RAD18: variants seen among roughly 807,000 people sequenced by gnomAD.
RAD18 encodes the protein RAD18 E3 ubiquitin protein ligase, also known as E3 ubiquitin-protein ligase RAD18.
Under a neutral mutation model 60.4 loss-of-function variants are expected in RAD18, and 47 were observed. The ratio of observed to expected loss-of-function variants is 0.78; its 90% CI spans 0.62 to 0.99. The LOEUF (loss-of-function observed/expected upper bound fraction) is 0.99, where lower values mean the gene tolerates loss of function less well. Ranked by LOEUF, RAD18 falls within the 50% of genes least tolerant of loss-of-function variation. The pLI, the probability that RAD18 is intolerant of heterozygous loss-of-function variation, is 0.00. For synonymous variants in RAD18, 225 were observed against 195.5 expected, an observed-to-expected ratio of 1.15 and a Z score of -1.26; for missense variants, 640 against 593.3, an observed-to-expected ratio of 1.08 and a Z score of -0.82.
chr3:8,896,064 G>A (rs900851393), intron 11 of RAD18, among the ~76,000 whole-genome samples: 2 of 152,076 alleles, frequency 1.3e-5, no homozygotes, highest in Admixed American at 1.3e-4. Flanking sequence ...CATCTTTCAC[G>A]TGCAAATCAA....
chr3:8,954,894 C>T (rs956657743), intron 2 of RAD18, among the ~76,000 whole-genome samples: 9 of 152,186 alleles, frequency 5.9e-5, no homozygotes, highest in Middle Eastern at 3.4e-3. Context: ...GGACTTGTGA[C>T]AACTGGTGTT....
intron 5 of RAD18, 148 bp downstream of exon 5, chr3:8,941,318 AT>A (rs1940742667): frequency 1.4e-6 from 1 of 723,932 alleles, no homozygotes; most frequent in Admixed American, 3.0e-5. Flanking sequence ...GAGAACAAAC[AT>A]ATCTACAACA....
Position 8,941,702 on chromosome 3 carries a change from T to C in RAD18, c.369A>G (p.Arg123=). The C allele has an allele frequency of 6.2e-7, 1 of 1,614,144 alleles. No individual in the cohort carries two copies. Among genetic ancestry groups the C allele is most frequent in the Non-Finnish European group, 8.5e-7 (1 of 1,179,974 alleles). The change falls in exon 5 of 13, where the codon AGA becomes AGG. Residue 123 remains arginine, a synonymous_variant. Coordinates refer to ENST00000264926, the MANE Select transcript of RAD18 (RefSeq NM_020165.4). ...ACCTGCTCCCCTGCTTTAAAGACTG[T>C]CTGGAGGCTACAGGAGTATATACTT... ...AVKVYTPVAS[R]QSLKQGSRLM...
At chr3:8,909,088 A>C (rs1940063073) in intron 9 of RAD18, among the ~76,000 whole-genome samples, 1 of 152,170 alleles carries the variant, frequency 6.6e-6, no homozygotes, top group Non-Finnish European at 1.5e-5. Flanking sequence ...CAATTAGAGA[A>C]AGAGATAGTT....
intron 7 of RAD18, among the ~76,000 whole-genome samples, chr3:8,916,735 A>C (rs899543671): frequency 7.9e-5 from 12 of 152,282 alleles, no homozygotes; most frequent in African/African-American, 2.6e-4. Flanking sequence ...AACTTGACTC[A>C]GCTAAGGAAA....
chr3:8,949,720 A>G (rs974474843), intron 2 of RAD18, among the ~76,000 whole-genome samples: 1 of 152,198 alleles, frequency 6.6e-6, no homozygotes, highest in African/African-American at 2.4e-5. Flanking sequence ...AGAAACCCAC[A>G]AACAGAAACC....
At position 8,902,250 on chromosome 3, in the gene RAD18, T is replaced by C. The variant is rs529779097; in HGVS notation, c.1168+130A>G. On this transcript the variant is annotated intron_variant, in intron 10 of 12. Coordinates refer to ENST00000264926, the MANE Select transcript of RAD18 (RefSeq NM_020165.4). Reference sequence around the variant, plus strand: ...AGTTTACAAACTGCTACATGAAGTTTGTCTAAAAATACTTTTTCTCATTTC... The same window carrying C: ...AGTTTACAAACTGCTACATGAAGTTCGTCTAAAAATACTTTTTCTCATTTC... The C allele has an allele frequency of 3.3e-5, 28 of 841,268 alleles. No homozygotes were observed. In the South Asian group the frequency reaches 5.1e-4, roughly 15 times the overall value. The allele number at this position is 841,268 out of a possible 1,614,324, so 52.1% of individuals were successfully genotyped here.
At position 8,890,449 on chromosome 3, in the gene RAD18, G is replaced by T; in HGVS notation, c.1325C>A (p.Ser442Tyr). ...AAGATCTCTTATGATGTCTGAACTG[G>T]AACTAAAAGGATATGTACATCAGTA... ...SSSESDSCNS[S>Y]SSDIIRDLLE... Residue 442 changes from serine (S) to tyrosine (Y), a missense_variant and splice_region_variant, in exon 12 of 13, where the codon TCC (serine) becomes TAC (tyrosine). Transcript: ENST00000264926. 1 of 1,579,158 alleles carries T rather than the reference G, an allele frequency of 6.3e-7. No homozygotes were observed. The highest frequency in any genetic ancestry group is 1.3e-5 in the African/African-American group (1 of 74,160).
At chr3:8,894,884 C>T (rs556386176) in intron 11 of RAD18, among the ~76,000 whole-genome samples, 165 of 151,740 alleles carry the variant, frequency 1.1e-3, no homozygotes, top group African/African-American at 3.9e-3. Context: ...CCTCAGCCTC[C>T]CGAGTAGCTG....
At position 8,879,580 on chromosome 3, in the gene RAD18, T is replaced by C. The variant is rs1019119875; in HGVS notation, c.*1777A>G. ...GCCCTGGCAAACTAATCCATGAGGG[T>C]TGGGTGTTTAGCCTCATCCCTGGCC... On this transcript the variant is annotated 3_prime_UTR_variant, in exon 13 of 13. Transcript: ENST00000264926. The C allele has an allele frequency of 6.6e-6, 1 of 152,186 alleles. No homozygotes were observed. The highest frequency in any genetic ancestry group is 2.4e-5 in the African/African-American group (1 of 41,400). 9.4% of individuals were successfully genotyped at this position (152,186 alleles called of 1,614,324 possible).
Position 8,928,397 on chromosome 3 carries a change from T to C in RAD18, c.889+7474A>G, listed in dbSNP as rs550475447. 2.0e-5 allele frequency among the ~76,000 whole-genome samples: 3 copies of C among 152,192 alleles called. No individual in the cohort carries two copies. The South Asian group carries it at 6.2e-4, about 32-fold the overall frequency. On this transcript the variant is annotated intron_variant, in intron 7 of 12. Coordinates refer to ENST00000264926, the MANE Select transcript of RAD18 (RefSeq NM_020165.4). ...AATGGTAGAGCTTGTCAAATTAAATTATAAAATAAAATCCAAACCATATAC... is the reference window on the plus strand; with the variant it reads ...AATGGTAGAGCTTGTCAAATTAAATCATAAAATAAAATCCAAACCATATAC...
intron 2 of RAD18, among the ~76,000 whole-genome samples, chr3:8,953,371 C>A (rs1940957732): frequency 6.6e-6 from 1 of 151,830 alleles, no homozygotes; most frequent in Non-Finnish European, 1.5e-5. Context: ...TCTTGTATAT[C>A]TTTCCTCTTC....
At chr3:8,946,999 T>C (rs2124836351) in intron 4 of RAD18, 2 of 430,500 alleles carry the variant, frequency 4.6e-6, no homozygotes, top group East Asian at 7.7e-5. Flanking sequence ...ATCTGCGTTT[T>C]AACTCTTAAT....
chr3:8,890,186 T>C, intron 12 of RAD18: 1 of 565,474 alleles, frequency 1.8e-6, no homozygotes, highest in Non-Finnish European at 3.2e-6. Flanking sequence ...ATCTGATACA[T>C]AACTACAGTT....
intron 10 of RAD18, among the ~76,000 whole-genome samples, chr3:8,901,247 C>T (rs1278747320): frequency 6.6e-6 from 1 of 152,098 alleles, no homozygotes; most frequent in Non-Finnish European, 1.5e-5. Context: ...GATAATGCAG[C>T]CACTATGGAA....
At chr3:8,956,750 T>TAAAA (rs59945420) in intron 2 of RAD18, among the ~76,000 whole-genome samples, 18 of 137,772 alleles carry the variant, frequency 1.3e-4, no homozygotes, top group African/African-American at 4.8e-4. Context: ...ATTCATGATT[T>TAAAA]AAAAAAAAAA....
chr3:8,911,805 C>T (rs1290125489), intron 9 of RAD18, among the ~76,000 whole-genome samples: 1 of 152,158 alleles, frequency 6.6e-6, no homozygotes, highest in African/African-American at 2.4e-5. Context: ...CAAAGAGTAA[C>T]AGCTATCTGA....
At chr3:8,902,845 G>A (rs1394297262) in intron 9 of RAD18, among the ~76,000 whole-genome samples, 1 of 152,040 alleles carries the variant, frequency 6.6e-6, no homozygotes, top group Non-Finnish European at 1.5e-5. Flanking sequence ...CCAACATGGT[G>A]AAACCCTATC....
intron 9 of RAD18, among the ~76,000 whole-genome samples, chr3:8,903,624 A>G (rs1939951979): frequency 6.6e-6 from 1 of 152,194 alleles, no homozygotes; most frequent in Non-Finnish European, 1.5e-5. Context: ...TCTGTTCAAT[A>G]AAGAGCAGCC....
Sources: allele counts gnomAD v4.1 joint callset (sites outside exome capture counted in the v4.1 genomes callset), GRCh38; gene constraint gnomAD v4.1.1; transcripts MANE v1.5; gene names NCBI Gene and HGNC (gene_info 2026-07-23, HGNC 2026-07-21).